CD247: variants seen among roughly 807,000 people sequenced by gnomAD.
CD247 encodes T-cell surface glycoprotein CD3 zeta chain.
Under a neutral mutation model 30.0 loss-of-function variants are expected in CD247, and 13 were observed. The observed-to-expected ratio is 0.43, with a 90% CI of 0.28 to 0.69. The LOEUF (loss-of-function observed/expected upper bound fraction) is 0.69, where lower values mean the gene tolerates loss of function less well. Ranked by LOEUF, CD247 falls within the 30% of genes least tolerant of loss-of-function variation. CD247 has a pLI of 0.16. For missense variants in CD247, 193 were observed against 212.6 expected (o/e 0.91, Z 0.57); for synonymous variants, 72 against 80.0 (o/e 0.90, Z 0.53).
chr1:167,516,778 C>A (rs1042264085), intron 1 of CD247, among the ~76,000 whole-genome samples: 2 of 152,184 alleles, frequency 1.3e-5, no homozygotes, highest in African/African-American at 4.8e-5. Flanking sequence ...CCTCCTGCCC[C>A]CTATTTGTGG....
intron 6 of CD247, among the ~76,000 whole-genome samples, chr1:167,433,642 ATTAATTGTTGATGAACAATTC>A (rs1485476905): frequency 2.0e-5 from 3 of 151,806 alleles, no homozygotes; most frequent in Admixed American, 6.6e-5. Flanking sequence ...TTGATGAACA[ATTAATTGTTGATGAACAATTC>A]TTAATTGTTG....
chr1:167,473,092 T>TACACAC (rs35004482), intron 1 of CD247, among the ~76,000 whole-genome samples: 10,633 of 146,530 alleles, frequency 0.073, 453 homozygotes, highest in Middle Eastern at 0.16. Context: ...CTTCAAGTTT[T>TACACAC]ACACACACAC....
chr1:167,432,639 C>T (rs1651326431), intron 7 of CD247, among the ~76,000 whole-genome samples: 2 of 152,200 alleles, frequency 1.3e-5, no homozygotes, highest in Admixed American at 6.5e-5. Flanking sequence ...CCCAGCCAAC[C>T]TCTCATCTTA....
chr1:167,518,342 A>G, intron 1 of CD247, 66 bp downstream of exon 1: 9 of 1,476,580 alleles, frequency 6.1e-6, no homozygotes. Context: ...CACTACCCAC[A>G]CCCACTCCCC....
At chr1:167,439,466 G>GTC in intron 2 of CD247, 66 bp from the exon 3 acceptor site, 4 of 1,465,598 alleles carry the variant, frequency 2.7e-6, no homozygotes, top group Non-Finnish European at 3.8e-6. Context: ...GGGGTGCCAG[G>GTC]GCGCGCGGCG....
At chr1:167,485,380 C>T (rs140597482) in intron 1 of CD247, among the ~76,000 whole-genome samples, 1 of 152,094 alleles carries the variant, frequency 6.6e-6, no homozygotes, top group Non-Finnish European at 1.5e-5. Flanking sequence ...AATGGGATGG[C>T]CTGACCGCTT....
chr1:167,490,600 G>A (rs1018560343), intron 1 of CD247, among the ~76,000 whole-genome samples: 2 of 151,500 alleles, frequency 1.3e-5, no homozygotes, highest in African/African-American at 4.9e-5. Flanking sequence ...TCCAGCCTGG[G>A]CAACAAGAGC....
At chr1:167,498,824 C>T (rs1235151690) in intron 1 of CD247, among the ~76,000 whole-genome samples, 1 of 152,182 alleles carries the variant, frequency 6.6e-6, no homozygotes, top group Non-Finnish European at 1.5e-5. Flanking sequence ...ACCATCTAGA[C>T]AGAAATGCAG....
chr1:167,462,653 C>T (rs36122654), intron 1 of CD247, among the ~76,000 whole-genome samples: 3,500 of 152,250 alleles, frequency 0.023, 143 homozygotes, highest in African/African-American at 0.079. Context: ...CCAGGGTTCC[C>T]GCCGCTGGGC....
At chr1:167,516,467 A>T (rs987020418) in intron 1 of CD247, among the ~76,000 whole-genome samples, 2 of 152,230 alleles carry the variant, frequency 1.3e-5, no homozygotes, top group Admixed American at 6.5e-5. Context: ...AAAGGGATGT[A>T]TGCAATGGGT....
intron 1 of CD247, among the ~76,000 whole-genome samples, chr1:167,463,653 G>A (rs758873927): frequency 3.3e-5 from 5 of 152,202 alleles, no homozygotes; most frequent in Non-Finnish European, 7.3e-5. Context: ...GGACACCAAA[G>A]AGTTATTATT....
At chr1:167,447,041 A>G (rs1398770425) in intron 1 of CD247, among the ~76,000 whole-genome samples, 2 of 152,178 alleles carry the variant, frequency 1.3e-5, no homozygotes, top group Non-Finnish European at 2.9e-5. Flanking sequence ...TGCCTGGCAC[A>G]CAGTGGGAGC....
chr1:167,458,860 G>A (rs1300564225), intron 1 of CD247, among the ~76,000 whole-genome samples: 1 of 151,560 alleles, frequency 6.6e-6, no homozygotes, highest in African/African-American at 2.4e-5. Context: ...AATGGCTCAC[G>A]CCTGTAAATC....
chr1:167,498,305 T>G (rs1654777175), intron 1 of CD247, among the ~76,000 whole-genome samples: 1 of 152,230 alleles, frequency 6.6e-6, no homozygotes, highest in Admixed American at 6.5e-5. Flanking sequence ...CACATCTTCC[T>G]AACATCTATT....
intron 1 of CD247, among the ~76,000 whole-genome samples, chr1:167,502,130 C>T (rs1341696462): frequency 6.6e-6 from 1 of 152,218 alleles, no homozygotes; most frequent in African/African-American, 2.4e-5. Context: ...TGACAGGCAA[C>T]CAGGCTGGAA....
At chr1:167,443,927 G>A (rs1296143869) in intron 1 of CD247, among the ~76,000 whole-genome samples, 2 of 152,188 alleles carry the variant, frequency 1.3e-5, no homozygotes, top group Non-Finnish European at 2.9e-5. Context: ...GCTCCATGCA[G>A]GGATGCAGGA....
chr1:167,451,424 G>A (rs1051960529), intron 1 of CD247, among the ~76,000 whole-genome samples: 4 of 152,208 alleles, frequency 2.6e-5, no homozygotes, highest in Admixed American at 2.6e-4. Context: ...CTTCAAATCA[G>A]CCCTAAAATC....
In CD247 at chr1:167,482,445, G is replaced by T. The variant is rs80324862; in HGVS notation, c.58+35963C>A. ...TCTGCCCTGGCCTCTGTGGGGGTGG[G>T]GTGGAGTGAACGTCTTTCCTCTCTG... On this transcript the variant is annotated intron_variant, in intron 1 of 7. Coordinates refer to ENST00000362089, the MANE Select transcript of CD247 (RefSeq NM_198053.3). Among the ~76,000 whole-genome samples, 1,310 of 152,340 alleles carry T rather than the reference G, an allele frequency of 8.6e-3. 6 individuals are homozygous for T. The highest frequency in any genetic ancestry group is 0.044 in the Middle Eastern group (13 of 294).
intron 1 of CD247, among the ~76,000 whole-genome samples, chr1:167,515,674 C>T (rs1335000974): frequency 6.6e-6 from 1 of 152,218 alleles, no homozygotes; most frequent in Non-Finnish European, 1.5e-5. Context: ...CCTACCTCTG[C>T]AATCATTGTT....
Sources: allele counts gnomAD v4.1 joint callset (sites outside exome capture counted in the v4.1 genomes callset), GRCh38; gene constraint gnomAD v4.1.1; transcripts MANE v1.5; gene names NCBI Gene and HGNC (gene_info 2026-07-23, HGNC 2026-07-21).